ADAMTS2: variants seen among roughly 807,000 people sequenced by gnomAD.
ADAMTS2 encodes the protein A disintegrin and metalloproteinase with thrombospondin motifs 2.
ADAMTS2 carries 50 observed loss-of-function variants against 123.0 expected under a neutral mutation model. The ratio of observed to expected loss-of-function variants is 0.41; its 90% confidence interval spans 0.32 to 0.51. ADAMTS2 has a LOEUF of 0.51. Among genes scored for constraint, ADAMTS2 ranks in the 20% least tolerant of loss-of-function variants. ADAMTS2 has a pLI of 0.35. For synonymous variants in ADAMTS2, 678 were observed against 695.4 expected, an observed-to-expected ratio of 0.98 and a Z score of 0.39; for missense variants, 1,494 against 1,705.2, an observed-to-expected ratio of 0.88 and a Z score of 2.18.
At chr5:179,146,151 G>A (rs979675521) in intron 10 of ADAMTS2, among the ~76,000 whole-genome samples, 8 of 152,090 alleles carry the variant, frequency 5.3e-5, no homozygotes, top group African/African-American at 9.7e-5. Context: ...CACTGCACCC[G>A]GCCTGTACAC....
chr5:179,319,080 G>A (rs1481839555), intron 2 of ADAMTS2, among the ~76,000 whole-genome samples: 1 of 152,026 alleles, frequency 6.6e-6, no homozygotes, highest in Non-Finnish European at 1.5e-5. Flanking sequence ...ACATGCATGT[G>A]CACTCATGCA....
Position 179,115,781 on chromosome 5 carries a change from C to G in ADAMTS2, c.3179-1457G>C, listed in dbSNP as rs1353109173. Among the ~76,000 whole-genome samples, 1 of 151,502 alleles carries G rather than the reference C, an allele frequency of 6.6e-6. No homozygotes were observed. The highest frequency in any genetic ancestry group is 1.9e-4 in the East Asian group (1 of 5,148). On this transcript the variant is annotated intron_variant, in intron 21 of 21. Transcript: ENST00000251582. The surrounding 1 kb of genome is among the most constrained non-coding windows in gnomAD (Gnocchi z 4.4). ...TTATCCCATACACCAACATATGACA[C>G]AATCTACACCTGAAGCTGTCCAAAA... is the stretch of plus-strand genomic sequence containing the variant.
At chr5:179,145,578 T>C (rs551434766) in intron 10 of ADAMTS2, among the ~76,000 whole-genome samples, 7 of 152,312 alleles carry the variant, frequency 4.6e-5, no homozygotes, top group East Asian at 1.9e-4. Flanking sequence ...CCTGTGAACA[T>C]TATGCCAAGT....
chr5:179,295,874 C>A (rs1581253223), intron 2 of ADAMTS2, among the ~76,000 whole-genome samples: 1 of 152,214 alleles, frequency 6.6e-6, no homozygotes, highest in East Asian at 1.9e-4. Context: ...ACTAGTGGGG[C>A]CTGTGCTGGG....
chr5:179,175,259 C>T lies in ADAMTS2; in HGVS notation c.975+5813G>A, dbSNP rs1285522892. On this transcript the variant is annotated intron_variant, in intron 5 of 21. Transcript: ENST00000251582. This position sits in a 1 kb window ranked among gnomAD's most constrained non-coding sequence, Gnocchi z 4.1. Reference sequence around the variant, plus strand: ...GCTGTCTCAGCCATGCTTGACCGTTCATGTTCCTTTGGAGGATGTCTCTTC... The same window carrying T: ...GCTGTCTCAGCCATGCTTGACCGTTTATGTTCCTTTGGAGGATGTCTCTTC... Among the ~76,000 whole-genome samples the T allele has an allele frequency of 4.6e-5, 7 of 152,006 alleles. No homozygotes were observed. The highest frequency in any genetic ancestry group is 7.4e-5 in the Non-Finnish European group (5 of 68,018).
intron 5 of ADAMTS2, among the ~76,000 whole-genome samples, chr5:179,174,494 T>C (rs1763891103): frequency 6.6e-6 from 1 of 152,226 alleles, no homozygotes; most frequent in South Asian, 2.1e-4. Flanking sequence ...TTGATTTGTG[T>C]GATTTAAATA....
At position 179,319,201 on chromosome 5, in the gene ADAMTS2, A is replaced by G. The variant is rs183762372; in HGVS notation, c.534+24566T>C. Among the ~76,000 whole-genome samples, 12 of 147,546 alleles carry G rather than the reference A, an allele frequency of 8.1e-5. No individual in the cohort carries two copies. The East Asian group carries it at 1.7e-3, about 21-fold the overall frequency. ...ACAGGCACCATGCAGACGCATGCAC[A>G]CACACATCACTCATATGTGCATCTC... On this transcript the variant is annotated intron_variant, in intron 2 of 21. Transcript: ENST00000251582.
Position 179,258,047 on chromosome 5 carries a change from C to T in ADAMTS2, c.688+14864G>A, listed in dbSNP as rs879943487. On this transcript the variant is annotated intron_variant, in intron 3 of 21. Transcript: ENST00000251582. ...AGTGTGCCCATACGAGACCACTGTC[C>T]TCAGCGAACGCCTGACCCCCAGGCT... 5.3e-5 allele frequency among the ~76,000 whole-genome samples: 8 copies of T among 152,162 alleles called. No individual in the cohort carries two copies. The East Asian group carries it at 1.5e-3, about 29-fold the overall frequency.
rs538914043 is a variant in ADAMTS2 at position 179,125,064 on chromosome 5, G to A, written c.2867C>T (p.Ala956Val). ...LHDNTTRSVH[A>V]KHCNDARPES... is the part of the protein sequence containing the mutation. ...GGGCCGGGCGTCATTGCAGTGCTTG[G>A]CGTGCACGGAGCGGGTGGTGTTGTC... Residue 956 changes from alanine (A) to valine (V), a missense_variant, in exon 19 of 22, where the codon GCC (alanine) becomes GTC (valine). This residue lies in a region of ADAMTS2 where 953 missense variants were observed against 1,124.7 expected (regional missense o/e 0.85). Transcript: ENST00000251582. 2.5e-6 allele frequency: 4 copies of A among 1,610,442 alleles called. No individual in the cohort carries two copies. In the East Asian group the frequency reaches 9.0e-5, roughly 36 times the overall value.
At chr5:179,318,043 A>C (rs1247693279) in intron 2 of ADAMTS2, among the ~76,000 whole-genome samples, 1 of 152,178 alleles carries the variant, frequency 6.6e-6, no homozygotes, top group Non-Finnish European at 1.5e-5. Flanking sequence ...AAGGTCAGGC[A>C]GGCTTCACCC....
Position 179,317,632 on chromosome 5 carries a change from C to A in ADAMTS2, c.534+26135G>T, listed in dbSNP as rs1485266679. ...TAATCTATGTCCCCCGGATGGCCAG[C>A]GGGCACAGAGCATATGTGTGCTGAG... On this transcript the variant is annotated intron_variant, in intron 2 of 21. Coordinates refer to ENST00000251582, the MANE Select transcript of ADAMTS2 (RefSeq NM_014244.5). The surrounding 1 kb of genome is among the most constrained non-coding windows in gnomAD (Gnocchi z 4.9). Among the ~76,000 whole-genome samples the A allele has an allele frequency of 6.6e-6, 1 of 152,194 alleles. No homozygotes were observed. Among genetic ancestry groups the A allele is most frequent in the Non-Finnish European group, 1.5e-5 (1 of 68,044 alleles).
intron 15 of ADAMTS2, among the ~76,000 whole-genome samples, chr5:179,131,891 T>C (rs1762969201): frequency 6.6e-6 from 1 of 152,208 alleles, no homozygotes; most frequent in South Asian, 2.1e-4. Flanking sequence ...AGACCCTGCC[T>C]GCCTTCCCGA....
At chr5:179,186,733 A>G (rs1581175204) in intron 4 of ADAMTS2, among the ~76,000 whole-genome samples, 1 of 152,102 alleles carries the variant, frequency 6.6e-6, no homozygotes, top group Non-Finnish European at 1.5e-5. Context: ...CGACCTCCAC[A>G]TGCCTGCCTC....
At chr5:179,205,787 T>TTATTATTATTATTATTATTATTA (rs758652100) in intron 4 of ADAMTS2, among the ~76,000 whole-genome samples, 4 of 96,528 alleles carry the variant, frequency 4.1e-5, no homozygotes, top group South Asian at 3.1e-4. Flanking sequence ...TATTATTATT[T>TTATTATTATTATTATTATTATTA]TTGAGACGGA....
chr5:179,152,181 C>T lies in ADAMTS2; in HGVS notation c.1590G>A (p.Lys530=), dbSNP rs1403889639. 1.2e-6 allele frequency: 2 copies of T among 1,613,900 alleles called. No homozygotes were observed. Among genetic ancestry groups the T allele is most frequent in the African/African-American group, 2.7e-5 (2 of 74,936 alleles). ...PDNPYFCKTK[K]GPPLDGTMCA... ...ACATAGTCCCGTCCAAGGGGGGCCCCTTCTTGGTCTTGCAAAAGTAGGGGT... is the reference window on the plus strand; with the variant it reads ...ACATAGTCCCGTCCAAGGGGGGCCCTTTCTTGGTCTTGCAAAAGTAGGGGT... The change falls in exon 10 of 22, where the codon AAG becomes AAA. Residue 530 remains lysine, a synonymous_variant. Transcript: ENST00000251582.
At chr5:179,245,630 G>T (rs1158028102) in intron 3 of ADAMTS2, among the ~76,000 whole-genome samples, 4 of 150,010 alleles carry the variant, frequency 2.7e-5, no homozygotes, top group African/African-American at 9.9e-5. Flanking sequence ...GCCGGGCGTG[G>T]TAGCGGGCGC....
intron 3 of ADAMTS2, among the ~76,000 whole-genome samples, chr5:179,245,125 A>G (rs908277050): frequency 2.6e-5 from 4 of 152,182 alleles, no homozygotes; most frequent in Non-Finnish European, 5.9e-5. Flanking sequence ...AAGGGTCCAT[A>G]GAGGGGGAAG....
At chr5:179,137,997 A>C (rs986023060) in intron 11 of ADAMTS2, 53 bp from the exon 12 acceptor site, 2 of 1,532,638 alleles carry the variant, frequency 1.3e-6, no homozygotes, top group Non-Finnish European at 1.8e-6. Context: ...AAGAGGCAGC[A>C]CCCGGGTGCC....
At chr5:179,270,994 T>C (rs888437340) in intron 3 of ADAMTS2, among the ~76,000 whole-genome samples, 2 of 152,060 alleles carry the variant, frequency 1.3e-5, no homozygotes, top group African/African-American at 4.8e-5. Context: ...GACAGCCCAT[T>C]ACCAAACCCC....
Sources: gnomAD v4.1 joint callset for allele counts (sites outside exome capture counted in the v4.1 genomes callset) on GRCh38, gnomAD v4.1.1 for gene constraint, gnomAD v4.1.1 regional missense constraint, Gnocchi (gnomAD v3.1) non-coding constraint, MANE v1.5 for transcripts, NCBI Gene and HGNC (gene_info 2026-07-23, HGNC 2026-07-21) for gene names.